Variants in PTPRG observed in about 807,000 individuals in gnomAD.
PTPRG encodes the protein protein tyrosine phosphatase receptor type G, also known as receptor-type tyrosine-protein phosphatase gamma.
Under a neutral mutation model 165.3 loss-of-function variants are expected in PTPRG, and 102 were observed. That is an observed-to-expected ratio of 0.62 (90% CI 0.53 to 0.73). PTPRG has a LOEUF of 0.73. PTPRG is among the 30% of genes least tolerant of loss of function. The pLI is 0.00. For missense variants in PTPRG, 1,866 were observed against 1,861.4 expected, an observed-to-expected ratio of 1.00 and a Z score of -0.05; for synonymous variants, 675 against 669.5, an observed-to-expected ratio of 1.01 and a Z score of -0.13.
chr3:61,752,798 A>AAAAAAAAG (rs1553660756), intron 2 of PTPRG, among the ~76,000 whole-genome samples: 4 of 48,854 alleles, frequency 8.2e-5, no homozygotes, highest in African/African-American at 2.7e-4. Flanking sequence ...AAAAAAAAAA[A>AAAAAAAAG]AAAGAAAAAA....
intron 2 of PTPRG, among the ~76,000 whole-genome samples, chr3:61,761,028 CTT>C (rs1178223129): frequency 6.6e-6 from 1 of 152,090 alleles, no homozygotes; most frequent in Non-Finnish European, 1.5e-5. Context: ...TATTCCATGT[CTT>C]TGCTATTGTG....
intron 4 of PTPRG, among the ~76,000 whole-genome samples, chr3:62,026,947 T>C (rs1157625852): frequency 2.0e-5 from 3 of 147,098 alleles, no homozygotes; most frequent in African/African-American, 7.6e-5. Flanking sequence ...AAATTGTGTA[T>C]TGATTGTACC....
intron 4 of PTPRG, among the ~76,000 whole-genome samples, chr3:62,053,222 T>C (rs1004580083): frequency 1.3e-5 from 2 of 151,754 alleles, no homozygotes; most frequent in African/African-American, 4.8e-5. Flanking sequence ...AGGAAATCAG[T>C]AATTTGTTAG....
chr3:61,566,868 G>A (rs1559506014), intron 1 of PTPRG, among the ~76,000 whole-genome samples: 1 of 152,202 alleles, frequency 6.6e-6, no homozygotes, highest in Non-Finnish European at 1.5e-5. Context: ...CATTCAGCAT[G>A]TGGGACAATG....
intron 4 of PTPRG, among the ~76,000 whole-genome samples, chr3:62,013,170 C>G (rs1010721955): frequency 1.3e-5 from 2 of 151,986 alleles, no homozygotes; most frequent in African/African-American, 4.8e-5. Flanking sequence ...CCAATACATT[C>G]CAAAATATTG....
intron 4 of PTPRG, among the ~76,000 whole-genome samples, chr3:62,074,146 A>G (rs1449512979): frequency 6.7e-6 from 1 of 150,296 alleles, no homozygotes; most frequent in Non-Finnish European, 1.5e-5. Flanking sequence ...ATTATCTCCC[A>G]TTTGCTCCCA....
At chr3:61,900,117 G>A (rs143688044) in intron 2 of PTPRG, among the ~76,000 whole-genome samples, 54 of 151,740 alleles carry the variant, frequency 3.6e-4, no homozygotes, top group African/African-American at 1.3e-3. Flanking sequence ...AGTATCAAAT[G>A]ACATGGTATG....
intron 4 of PTPRG, among the ~76,000 whole-genome samples, chr3:62,044,068 C>A (rs936100064): frequency 6.6e-6 from 1 of 152,224 alleles, no homozygotes; most frequent in Non-Finnish European, 1.5e-5. Context: ...AACACTCTCT[C>A]TTAACTTCTT....
rs749817659 is a variant in PTPRG, at chr3:61,752,785, C to CAAAA, written c.190+3816_190+3819dup. On this transcript the variant is annotated intron_variant, in intron 2 of 29. Coordinates refer to ENST00000474889, the MANE Select transcript of PTPRG (RefSeq NM_002841.4). The stretch of plus-strand genomic sequence containing the variant: ...CCTGGGTGATAGAGCAAGACTGTCT[C>CAAAA]AAAAAAAAAAAAAAAAGAAAAAAAA... Among the ~76,000 whole-genome samples the CAAAA allele has an allele frequency of 9.3e-4, 65 of 69,884 alleles. 2 individuals are homozygous for CAAAA. The highest frequency in any genetic ancestry group is 2.6e-3 in the East Asian group (5 of 1,946). 45.8% of individuals were successfully genotyped at this position (69,884 alleles called of 152,430 possible).
At chr3:61,712,849 A>G (rs1040587074) in intron 1 of PTPRG, among the ~76,000 whole-genome samples, 13 of 152,344 alleles carry the variant, frequency 8.5e-5, no homozygotes, top group African/African-American at 3.1e-4. Context: ...AAGGTCATAT[A>G]TAGCAGCTTC....
intron 6 of PTPRG, among the ~76,000 whole-genome samples, chr3:62,145,692 T>C (rs911712244): frequency 6.6e-6 from 1 of 152,186 alleles, no homozygotes; most frequent in Non-Finnish European, 1.5e-5. Context: ...CCTCTGTCTG[T>C]GCACCTAACC....
At chr3:61,950,840 G>A (rs2039882495) in intron 2 of PTPRG, among the ~76,000 whole-genome samples, 1 of 152,218 alleles carries the variant, frequency 6.6e-6, no homozygotes, top group African/African-American at 2.4e-5. Context: ...GAGCTCAGTT[G>A]CTGCATGGCA....
At chr3:62,081,931 A>G (rs1701597530) in intron 5 of PTPRG, among the ~76,000 whole-genome samples, 1 of 152,174 alleles carries the variant, frequency 6.6e-6, no homozygotes, top group Non-Finnish European at 1.5e-5. Context: ...GAGTGGTACT[A>G]GTTTCTGTGT....
intron 5 of PTPRG, among the ~76,000 whole-genome samples, chr3:62,130,671 TGGTTA>T (rs1703481282): frequency 6.6e-6 from 1 of 152,210 alleles, no homozygotes; most frequent in Admixed American, 6.5e-5. Flanking sequence ...CCACTTTTAC[TGGTTA>T]GGTTCTCTTC....
intron 4 of PTPRG, among the ~76,000 whole-genome samples, chr3:62,013,526 T>C (rs1055704408): frequency 3.3e-5 from 5 of 152,188 alleles, no homozygotes; most frequent in Non-Finnish European, 2.9e-5. Flanking sequence ...AAAAATGTAT[T>C]GTATGCAGTA....
chr3:61,854,698 G>A (rs142091817), intron 2 of PTPRG, among the ~76,000 whole-genome samples: 241 of 152,266 alleles, frequency 1.6e-3, no homozygotes, highest in African/African-American at 5.5e-3. Flanking sequence ...CGTAAGAAGA[G>A]CAGTCTCATG....
intron 1 of PTPRG, among the ~76,000 whole-genome samples, chr3:61,577,480 A>G (rs985656027): frequency 6.6e-6 from 1 of 152,228 alleles, no homozygotes; most frequent in Non-Finnish European, 1.5e-5. Flanking sequence ...AGTGTAAAAT[A>G]TACACCAGAT....
chr3:62,193,593 C>T (rs1040237418), intron 9 of PTPRG, among the ~76,000 whole-genome samples: 6 of 152,172 alleles, frequency 3.9e-5, no homozygotes. Flanking sequence ...TAGAGGGCAT[C>T]CACCTTCCGC....
At chr3:61,652,492 C>G (rs1575565005) in intron 1 of PTPRG, among the ~76,000 whole-genome samples, 1 of 152,106 alleles carries the variant, frequency 6.6e-6, no homozygotes, top group Non-Finnish European at 1.5e-5. Flanking sequence ...TTGTTGAGCT[C>G]TTTCTTTGGG....
Sources: allele counts gnomAD v4.1 joint callset (sites outside exome capture counted in the v4.1 genomes callset), GRCh38; gene constraint gnomAD v4.1.1; transcripts MANE v1.5; gene names NCBI Gene and HGNC (gene_info 2026-07-23, HGNC 2026-07-21).